Variants in NCOA3 observed in about 807,000 individuals in gnomAD.
The protein encoded by NCOA3 is nuclear receptor coactivator 3.
Under a neutral mutation model 158.8 loss-of-function variants are expected in NCOA3, and 51 were observed. That is an observed-to-expected ratio of 0.32 (90% CI 0.26 to 0.41). NCOA3 has a LOEUF of 0.41. NCOA3 is among the 10% of genes least tolerant of loss of function. The pLI is 1.00. For synonymous variants in NCOA3, 537 were observed against 592.4 expected (o/e 0.91, Z 1.36); for missense variants, 1,510 against 1,746.6 (o/e 0.86, Z 2.41).
At chr20:47,626,435 A>G (rs956087536) in intron 5 of NCOA3, among the ~76,000 whole-genome samples, 1 of 152,210 alleles carries the variant, frequency 6.6e-6, no homozygotes, top group Non-Finnish European at 1.5e-5. Flanking sequence ...TAGGTTAGAC[A>G]TTAATTCAGA....
At chr20:47,565,401 A>T (rs984409412) in intron 1 of NCOA3, among the ~76,000 whole-genome samples, 6 of 152,096 alleles carry the variant, frequency 3.9e-5, no homozygotes, top group African/African-American at 1.4e-4. Context: ...TAGTCTTTGT[A>T]ACTGCCCTGC....
chr20:47,649,825 CT>C, intron 19 of NCOA3, among the ~76,000 whole-genome samples: 2 of 152,044 alleles, frequency 1.3e-5, no homozygotes, highest in Non-Finnish European at 2.9e-5. Flanking sequence ...ATGATAAAAG[CT>C]TGCTTTTTGG....
intron 12 of NCOA3, among the ~76,000 whole-genome samples, chr20:47,637,161 A>AT (rs1394313075): frequency 6.6e-6 from 1 of 152,226 alleles, no homozygotes; most frequent in African/African-American, 2.4e-5. Flanking sequence ...AACTTATAGG[A>AT]TATATTAATA....
chr20:47,562,251 C>T (rs1321382950), intron 1 of NCOA3, among the ~76,000 whole-genome samples: 2 of 152,152 alleles, frequency 1.3e-5, no homozygotes, highest in African/African-American at 4.8e-5. Flanking sequence ...TGTAAGTTTT[C>T]AACTTTGGGT....
intron 1 of NCOA3, among the ~76,000 whole-genome samples, chr20:47,522,850 C>A (rs2084366339): frequency 6.6e-6 from 1 of 150,798 alleles, no homozygotes; most frequent in Non-Finnish European, 1.5e-5. Flanking sequence ...TGGCCTGGCT[C>A]TAAGAGCTGA....
chr20:47,554,448 G>A (rs1170830833), intron 1 of NCOA3, among the ~76,000 whole-genome samples: 1 of 151,890 alleles, frequency 6.6e-6, no homozygotes, highest in African/African-American at 2.4e-5. Flanking sequence ...CATTGCTTTT[G>A]GTGTTTAGAC....
intron 1 of NCOA3, among the ~76,000 whole-genome samples, chr20:47,558,093 T>C (rs1206233712): frequency 6.6e-6 from 1 of 151,012 alleles, no homozygotes; most frequent in African/African-American, 2.4e-5. Flanking sequence ...GTCTGTCTCT[T>C]GTTGCCCAGG....
At chr20:47,632,839 T>C (rs1195295936) in intron 8 of NCOA3, among the ~76,000 whole-genome samples, 5 of 150,352 alleles carry the variant, frequency 3.3e-5, no homozygotes, top group African/African-American at 1.2e-4. Flanking sequence ...CACACTCCCA[T>C]GCCCAGCTAA....
intron 2 of NCOA3, among the ~76,000 whole-genome samples, chr20:47,604,352 T>G (rs1351316941): frequency 6.6e-6 from 1 of 152,194 alleles, no homozygotes; most frequent in Non-Finnish European, 1.5e-5. Context: ...TTTCCCCTCT[T>G]CACTATGCTT....
chr20:47,514,307 A>G (rs559879087), intron 1 of NCOA3, among the ~76,000 whole-genome samples: 1 of 152,218 alleles, frequency 6.6e-6, no homozygotes, highest in South Asian at 2.1e-4. Flanking sequence ...CCCAATTTCA[A>G]ATTTTCTACA....
intron 6 of NCOA3, 147 bp from the exon 7 acceptor site, chr20:47,627,412 CAT>C (rs1336593655): frequency 1.1e-4 from 78 of 711,018 alleles, no homozygotes; most frequent in Middle Eastern, 4.0e-4. Context: ...AAATTATTCA[CAT>C]GTTTTGTATA....
chr20:47,590,118 G>A (rs1233912428), intron 2 of NCOA3, among the ~76,000 whole-genome samples: 1 of 151,916 alleles, frequency 6.6e-6, no homozygotes, highest in Admixed American at 6.6e-5. Flanking sequence ...TACTATCTTT[G>A]TTATAGTGGT....
chr20:47,502,804 C>T (rs1602305472), intron 1 of NCOA3, among the ~76,000 whole-genome samples: 1 of 150,332 alleles, frequency 6.7e-6, no homozygotes, highest in Non-Finnish European at 1.5e-5. Context: ...CTTAACAAAA[C>T]TAGCCATGGG....
Position 47,651,261 on chromosome 20 carries a change from T to C in NCOA3, c.3931T>C (p.Tyr1311His), listed in dbSNP as rs912279131. The change falls in exon 20 of 23, where the codon TAT becomes CAT. Residue 1311 changes from tyrosine (Y) to histidine (H), a missense_variant. By Grantham distance (83) the Tyr-to-His change is moderately conservative. Transcript: ENST00000371998. ...ACAAGCTCCTCCGCAACAGTTTCCA[T>C]ATCAACCAAATTATGGTAAATCTGA... ...MPQAPPQQFP[Y>H]QPNYGMGQQP... is the part of the protein sequence containing the mutation. 6.2e-7 allele frequency: 1 copy of C among 1,606,374 alleles called. No homozygotes were observed. Among genetic ancestry groups the C allele is most frequent in the African/African-American group, 1.3e-5 (1 of 74,902 alleles).
intron 2 of NCOA3, among the ~76,000 whole-genome samples, chr20:47,601,850 T>C (rs1277364381): frequency 6.6e-6 from 1 of 152,138 alleles, no homozygotes; most frequent in Non-Finnish European, 1.5e-5. Flanking sequence ...CTGTGAAAAA[T>C]AGTATGTATT....
chr20:47,647,116 A>G lies in NCOA3; in HGVS notation c.3296A>G (p.Glu1099Gly). ...EPKQDAFQGQ[E>G]AAVMMDQKAG... ...AAACAGGATGCTTTCCAAGGCCAAG[A>G]AGCAGCAGTAATGATGGATCAGAAG... The change falls in exon 18 of 23, where the codon GAA becomes GGA. Residue 1099 changes from glutamate to glycine, a missense_variant. This residue lies in a region of NCOA3 where 1,017 missense variants were observed against 1,098.3 expected (regional missense o/e 0.93). Coordinates refer to ENST00000371998, the MANE Select transcript of NCOA3 (RefSeq NM_181659.3). 6.2e-7 allele frequency: 1 copy of G among 1,614,182 alleles called. No individual in the cohort carries two copies. The highest frequency in any genetic ancestry group is 8.5e-7 in the Non-Finnish European group (1 of 1,180,034).
At chr20:47,512,155 A>C (rs909618030) in intron 1 of NCOA3, among the ~76,000 whole-genome samples, 4 of 152,206 alleles carry the variant, frequency 2.6e-5, no homozygotes, top group African/African-American at 9.6e-5. Context: ...TCCTATGAAA[A>C]AAAAATAGGA....
chr20:47,507,594 G>C (rs1039847708), intron 1 of NCOA3, among the ~76,000 whole-genome samples: 6 of 148,752 alleles, frequency 4.0e-5, no homozygotes, highest in Admixed American at 6.9e-5. Flanking sequence ...CTGATCCTTA[G>C]AGCACCCAAC....
At chr20:47,529,613 A>C (rs1329270824) in intron 1 of NCOA3, among the ~76,000 whole-genome samples, 1 of 152,164 alleles carries the variant, frequency 6.6e-6, no homozygotes, top group Admixed American at 6.5e-5. Flanking sequence ...GAGTTTTGCC[A>C]TGTTGGCTGG....
Sources: allele counts gnomAD v4.1 joint callset (sites outside exome capture counted in the v4.1 genomes callset), GRCh38; gene constraint gnomAD v4.1.1; regional missense constraint gnomAD v4.1.1; transcripts MANE v1.5; gene names NCBI Gene and HGNC (gene_info 2026-07-23, HGNC 2026-07-21).